Variants in PRR33 observed in about 807,000 individuals in gnomAD.
PRR33 encodes the protein proline-rich protein 33.
In PRR33, 1 loss-of-function variant was observed where a neutral mutation model predicts 0.5. That is an observed-to-expected ratio of 2.18 (90% CI 0.77 to 10.34). The LOEUF (loss-of-function observed/expected upper bound fraction) is 10.34. Ranked by LOEUF, PRR33 falls within the 30% of genes most tolerant of loss-of-function variation. The pLI is 0.13. For missense variants in PRR33, 552 were observed against 251.8 expected (o/e 2.19, Z -8.07); for synonymous variants, 226 against 110.0 (o/e 2.06, Z -6.60).
At chr11:1,893,414 T>G, upstream of PRR33, among the ~76,000 whole-genome samples, 1 of 145,082 alleles carries the variant, frequency 6.9e-6, no homozygotes. Flanking sequence ...AATGGATGGG[T>G]GGGTGGGAGG....
the PRR33 span, among the ~76,000 whole-genome samples, chr11:1,903,759 T>C: frequency 1.3e-5 from 2 of 152,198 alleles, no homozygotes; most frequent in Middle Eastern, 3.2e-3. Context: ...TGGCTTTGGC[T>C]CTTAGATCCT....
chr11:1,905,122 C>CTTTT, the PRR33 span, among the ~76,000 whole-genome samples: 36 of 96,558 alleles, frequency 3.7e-4, no homozygotes, highest in African/African-American at 5.3e-4. Flanking sequence ...CTTGAGAATT[C>CTTTT]TTTTTTTTTT....
chr11:1,900,597 C>CA, the PRR33 span, among the ~76,000 whole-genome samples: 151 of 152,206 alleles, frequency 9.9e-4, no homozygotes, highest in African/African-American at 3.5e-3. Context: ...CAGAAAAAAG[C>CA]AATTAACTCT....
chr11:1,890,079 G>C (rs1439318478), exon 1 of PRR33: 1 of 715,210 alleles, frequency 1.4e-6, no homozygotes, highest in Non-Finnish European at 2.6e-6. Flanking sequence ...CCCAGAGACA[G>C]GGACGAAGCC....
At chr11:1,895,384 T>C (rs1016445373), upstream of PRR33, among the ~76,000 whole-genome samples, 2 of 152,136 alleles carry the variant, frequency 1.3e-5, no homozygotes, top group African/African-American at 4.8e-5. Flanking sequence ...CCGCCTGCCT[T>C]AGCCTCCCAA....
chr11:1,912,366 G>T, the PRR33 span, among the ~76,000 whole-genome samples: 5 of 152,040 alleles, frequency 3.3e-5, no homozygotes, highest in African/African-American at 1.2e-4. Context: ...TGCAAGGTTT[G>T]AACTTCACTT....
At chr11:1,900,832 GTAATT>G in the PRR33 span, among the ~76,000 whole-genome samples, 2 of 152,184 alleles carry the variant, frequency 1.3e-5, no homozygotes, top group Non-Finnish European at 2.9e-5. Flanking sequence ...TGCTTCCCAT[GTAATT>G]TAATTTATCA....
chr11:1,911,546 T>C, the PRR33 span, among the ~76,000 whole-genome samples: 3 of 151,780 alleles, frequency 2.0e-5, no homozygotes, highest in East Asian at 5.9e-4. Context: ...GCTTCCTGAG[T>C]AGCTGGGATC....
At chr11:1,906,929 C>G in the PRR33 span, among the ~76,000 whole-genome samples, 1 of 152,238 alleles carries the variant, frequency 6.6e-6, no homozygotes, top group African/African-American at 2.4e-5. Flanking sequence ...AGACCCCCAG[C>G]TCTGTCTCAT....
upstream of PRR33, among the ~76,000 whole-genome samples, chr11:1,896,852 G>C (rs998510063): frequency 6.6e-6 from 1 of 152,178 alleles, no homozygotes; most frequent in Non-Finnish European, 1.5e-5. Flanking sequence ...AGGAACCGAC[G>C]TTGGATTTTT....
chr11:1,902,918 C>T, the PRR33 span, among the ~76,000 whole-genome samples: 1 of 152,150 alleles, frequency 6.6e-6, no homozygotes, highest in African/African-American at 2.4e-5. Context: ...GGGTAACTTC[C>T]TGACGTTGCC....
chr11:1,905,098 G>A, the PRR33 span, among the ~76,000 whole-genome samples: 3 of 149,350 alleles, frequency 2.0e-5, no homozygotes, highest in African/African-American at 7.4e-5. Flanking sequence ...CTTAAGCTGA[G>A]AGCAAGGTCA....
exon 1 of PRR33, chr11:1,890,540 T>C (rs1482668036): frequency 1.4e-6 from 1 of 714,642 alleles, no homozygotes; most frequent in Non-Finnish European, 2.6e-6. Flanking sequence ...CCTGGAGGCT[T>C]GGGCCGCACA....
the PRR33 span, among the ~76,000 whole-genome samples, chr11:1,898,385 G>A: frequency 5.9e-5 from 9 of 152,026 alleles, no homozygotes; most frequent in African/African-American, 9.7e-5. Context: ...ACAGGCGCCC[G>A]CCATCATACC....
the PRR33 span, among the ~76,000 whole-genome samples, chr11:1,909,824 C>G: frequency 6.6e-6 from 1 of 152,170 alleles, no homozygotes; most frequent in Non-Finnish European, 1.5e-5. Context: ...AACGTGATGG[C>G]TTCATCTGAG....
chr11:1,911,166 C>T, the PRR33 span, among the ~76,000 whole-genome samples: 5 of 152,112 alleles, frequency 3.3e-5, no homozygotes, highest in Admixed American at 6.5e-5. Flanking sequence ...TGCTACTAGC[C>T]GGGCGCAGTG....
At chr11:1,905,141 T>C in the PRR33 span, among the ~76,000 whole-genome samples, 1 of 144,070 alleles carries the variant, frequency 6.9e-6, no homozygotes, top group Non-Finnish European at 1.5e-5. Context: ...TTTTTTTTTT[T>C]TTGGAGACCG....
chr11:1,910,411 A>G, the PRR33 span, among the ~76,000 whole-genome samples: 4 of 152,038 alleles, frequency 2.6e-5, no homozygotes, highest in African/African-American at 9.7e-5. Flanking sequence ...CACCACGTCC[A>G]GCTAAGTTTT....
chr11:1,912,225 T>G, the PRR33 span, among the ~76,000 whole-genome samples: 24 of 152,140 alleles, frequency 1.6e-4, no homozygotes, highest in African/African-American at 5.5e-4. Context: ...TTGGTCATAA[T>G]GTAATTGAAA....
Sources: gnomAD v4.1 joint callset for allele counts (sites outside exome capture counted in the v4.1 genomes callset) on GRCh38, gnomAD v4.1.1 for gene constraint, MANE v1.5 for transcripts, NCBI Gene and HGNC (gene_info 2026-07-23, HGNC 2026-07-21) for gene names.